The following CTNNA2 variants were observed in gnomAD, a reference collection of about 807,000 sequenced individuals.
CTNNA2 encodes the protein catenin alpha-2.
CTNNA2 carries 42 observed loss-of-function variants against 101.0 expected under a neutral mutation model. The observed-to-expected ratio is 0.42, with a 90% CI of 0.32 to 0.54. The LOEUF (loss-of-function observed/expected upper bound fraction) is 0.54. Ranked by LOEUF, CTNNA2 falls within the 20% of genes least tolerant of loss-of-function variation. The pLI, the probability that CTNNA2 is intolerant of heterozygous loss-of-function variation, is 0.14. For synonymous variants in CTNNA2, 450 were observed against 456.4 expected (o/e 0.99, Z 0.18); for missense variants, 871 against 1,223.1 (o/e 0.71, Z 4.29).
At chr2:79,963,959 G>A (rs867383517) in intron 7 of CTNNA2, among the ~76,000 whole-genome samples, 1 of 152,078 alleles carries the variant, frequency 6.6e-6, no homozygotes, top group Non-Finnish European at 1.5e-5. Context: ...GTTATTGCTG[G>A]TAATTTCAGG....
intron 2 of CTNNA2, among the ~76,000 whole-genome samples, chr2:79,665,827 T>C (rs1682378724): frequency 6.6e-6 from 1 of 152,192 alleles, no homozygotes; most frequent in Non-Finnish European, 1.5e-5. Context: ...TCCTGGAACA[T>C]GTTAGTTAAA....
intron 1 of CTNNA2, among the ~76,000 whole-genome samples, chr2:79,559,467 A>G (rs1383616746): frequency 1.3e-5 from 2 of 151,948 alleles, no homozygotes; most frequent in African/African-American, 4.8e-5. Context: ...TTCTGTGTGG[A>G]AATGGAGGGC....
rs1553390882 is a variant in CTNNA2, at chr2:79,280,701, G to GAC, written c.-405-32007_-405-32006dup. ...AGAGAGAGAAAGAGAGAGAGAGAGAGACCTATAGCTCCCAGATCTCTTTGG... is the reference window on the plus strand; with the variant it reads ...AGAGAGAGAAAGAGAGAGAGAGAGAGACACCTATAGCTCCCAGATCTCTTTGG... On this transcript the variant is annotated intron_variant, in intron 2 of 21. Transcript: ENST00000466387. Among the ~76,000 whole-genome samples the GAC allele has an allele frequency of 7.0e-3, 1,032 of 147,332 alleles. 9 individuals are homozygous for GAC. The highest frequency in any genetic ancestry group is 7.4e-3 in the East Asian group (36 of 4,876).
At chr2:79,624,756 A>G in intron 1 of CTNNA2, among the ~76,000 whole-genome samples, 1 of 152,298 alleles carries the variant, frequency 6.6e-6, no homozygotes, top group South Asian at 2.1e-4. Context: ...CTTACACCCT[A>G]GAAAGGGAGA....
At chr2:80,279,685 A>T (rs1674212048) in intron 7 of CTNNA2, among the ~76,000 whole-genome samples, 1 of 152,158 alleles carries the variant, frequency 6.6e-6, no homozygotes, top group Non-Finnish European at 1.5e-5. Flanking sequence ...TTTCTGTGGC[A>T]GAGGACTTTT....
At chr2:79,327,978 G>C (rs1183840986) in intron 3 of CTNNA2, among the ~76,000 whole-genome samples, 2 of 152,074 alleles carry the variant, frequency 1.3e-5, no homozygotes, top group Non-Finnish European at 2.9e-5. Context: ...GGGGTTGCGG[G>C]GGTGAGGGAA....
At chr2:80,588,219 A>G (rs1252564103) in intron 14 of CTNNA2, among the ~76,000 whole-genome samples, 1 of 152,216 alleles carries the variant, frequency 6.6e-6, no homozygotes, top group Non-Finnish European at 1.5e-5. Flanking sequence ...TCCATAAGGC[A>G]CATGCCCGCC....
intron 3 of CTNNA2, among the ~76,000 whole-genome samples, chr2:79,832,140 C>G (rs1678978353): frequency 6.6e-6 from 1 of 152,196 alleles, no homozygotes; most frequent in South Asian, 2.1e-4. Flanking sequence ...ATCTATCACA[C>G]TTGGCACAGT....
At chr2:79,393,659 G>A (rs989700122) in intron 4 of CTNNA2, among the ~76,000 whole-genome samples, 4 of 142,868 alleles carry the variant, frequency 2.8e-5, no homozygotes, top group Non-Finnish European at 6.0e-5. Flanking sequence ...GCTGCTCTCC[G>A]AAGCTCTGAA....
chr2:79,473,205 A>T (rs1424117393), intron 4 of CTNNA2, among the ~76,000 whole-genome samples: 1 of 152,136 alleles, frequency 6.6e-6, no homozygotes, highest in African/African-American at 2.4e-5. Flanking sequence ...ATAACAATCT[A>T]AGCTTCTAGC....
At chr2:80,020,522 G>A (rs1311435128) in intron 7 of CTNNA2, among the ~76,000 whole-genome samples, 1 of 152,150 alleles carries the variant, frequency 6.6e-6, no homozygotes, top group Non-Finnish European at 1.5e-5. Context: ...ACCAGATCAT[G>A]ATTATCAAGC....
intron 7 of CTNNA2, among the ~76,000 whole-genome samples, chr2:80,043,450 G>A (rs571512805): frequency 5.9e-4 from 89 of 151,948 alleles, no homozygotes; most frequent in African/African-American, 1.8e-3. Flanking sequence ...CACCTGTCTC[G>A]GCCTCCCAAA....
intron 4 of CTNNA2, among the ~76,000 whole-genome samples, chr2:79,392,677 A>T (rs1558656225): frequency 6.6e-6 from 1 of 152,096 alleles, no homozygotes; most frequent in East Asian, 1.9e-4. Context: ...TTCTCAGGTT[A>T]TTTTTTTGAC....
intron 3 of CTNNA2, among the ~76,000 whole-genome samples, chr2:79,757,121 A>G (rs1672453453): frequency 6.6e-6 from 1 of 152,200 alleles, no homozygotes; most frequent in African/African-American, 2.4e-5. Context: ...ATCTTGTTCC[A>G]TTTTCTAAAA....
chr2:79,644,864 G>T (rs1680698391), intron 1 of CTNNA2, among the ~76,000 whole-genome samples: 1 of 152,078 alleles, frequency 6.6e-6, no homozygotes, highest in Non-Finnish European at 1.5e-5. Context: ...TGCCTCCCAT[G>T]ATTCAGAAGC....
At chr2:79,394,076 G>C (rs777097772) in intron 4 of CTNNA2, among the ~76,000 whole-genome samples, 15 of 152,116 alleles carry the variant, frequency 9.9e-5, no homozygotes, top group Non-Finnish European at 1.8e-4. Flanking sequence ...CGTGGGGGAT[G>C]AGTGGTCACG....
intron 4 of CTNNA2, among the ~76,000 whole-genome samples, chr2:79,406,343 A>C (rs1179558655): frequency 2.0e-5 from 3 of 151,950 alleles, no homozygotes; most frequent in Non-Finnish European, 4.4e-5. Flanking sequence ...GAGGACCACA[A>C]CTCAACATGC....
intron 7 of CTNNA2, among the ~76,000 whole-genome samples, chr2:80,366,183 AT>A (rs1427927193): frequency 6.6e-6 from 1 of 152,162 alleles, no homozygotes; most frequent in Admixed American, 6.5e-5. Context: ...GGGCAATACA[AT>A]ATGTGAGTTA....
intron 9 of CTNNA2, among the ~76,000 whole-genome samples, chr2:80,502,814 G>A (rs967706767): frequency 2.0e-5 from 3 of 152,118 alleles, no homozygotes; most frequent in African/African-American, 7.2e-5. Context: ...GTCTTGGCTG[G>A]GGTGAGAACC....
Sources: gnomAD v4.1 joint callset for allele counts (sites outside exome capture counted in the v4.1 genomes callset) on GRCh38, gnomAD v4.1.1 for gene constraint, MANE v1.5 for transcripts, NCBI Gene and HGNC (gene_info 2026-07-23, HGNC 2026-07-21) for gene names.